The following KNL1 variants were observed in gnomAD, a reference collection of about 807,000 sequenced individuals.
KNL1 encodes kinetochore scaffold 1, also known as outer kinetochore KNL1 complex subunit KNL1.
A neutral mutation model predicts 201.3 loss-of-function variants in KNL1; 66 were observed. The observed-to-expected ratio is 0.33, with a 90% CI of 0.27 to 0.40. The LOEUF is 0.40. Ranked by LOEUF, KNL1 falls within the 10% of genes least tolerant of loss-of-function variation. The pLI, the probability that KNL1 is intolerant of heterozygous loss-of-function variation, is 1.00. For synonymous variants in KNL1, 895 were observed against 899.2 expected, an observed-to-expected ratio of 1.00 and a Z score of 0.08; for missense variants, 2,815 against 2,690.5, an observed-to-expected ratio of 1.05 and a Z score of -1.02.
Position 40,623,810 on chromosome 15 carries a change from A to G in KNL1, c.3546A>G (p.Ile1182Met). 1.2e-6 allele frequency: 2 copies of G among 1,613,700 alleles called. No homozygotes were observed. Among genetic ancestry groups the G allele is most frequent in the South Asian group, 2.2e-5 (2 of 91,060 alleles). The change falls in exon 10 of 26, where the codon ATA becomes ATG. Residue 1182 changes from isoleucine (I) to methionine (M), a missense_variant. Around this residue, in one of 3 missense-constraint regions of KNL1, gnomAD observed 2,464 missense variants for 2,291.7 expected, o/e 1.08. Transcript: ENST00000399668. Reference sequence around the variant, plus strand: ...TTGACTGTCAAGCCACAGAGAAAATACTTGAAGAAAACCCTAAATTTGGAA... The same window carrying G: ...TTGACTGTCAAGCCACAGAGAAAATGCTTGAAGAAAACCCTAAATTTGGAA... ...VFIDCQATEKILEENPKFGIG... is the reference protein window; with the variant it reads ...VFIDCQATEKMLEENPKFGIG...
chr15:40,626,497 GATT>G (rs1892757692), intron 10 of KNL1, among the ~76,000 whole-genome samples: 1 of 151,982 alleles, frequency 6.6e-6, no homozygotes, highest in African/African-American at 2.4e-5. Context: ...TAAATATATA[GATT>G]ATCTGCTATG....
intron 22 of KNL1, among the ~76,000 whole-genome samples, chr15:40,656,201 C>T (rs1256469567): frequency 2.6e-5 from 4 of 152,044 alleles, no homozygotes; most frequent in East Asian, 1.9e-4. Flanking sequence ...GAGACCAAGG[C>T]GGGCGGATCA....
intron 1 of KNL1, among the ~76,000 whole-genome samples, chr15:40,598,480 G>A (rs1466430610): frequency 1.3e-5 from 2 of 152,104 alleles, no homozygotes; most frequent in East Asian, 1.9e-4. Flanking sequence ...GAGGCTTGAG[G>A]ATTACTTGAG....
intron 16 of KNL1, 115 bp from the exon 17 acceptor site, chr15:40,646,872 A>G: frequency 2.0e-6 from 1 of 495,882 alleles, no homozygotes; most frequent in Admixed American, 3.6e-5. Flanking sequence ...AAAAAAAAAA[A>G]AAAAAAGATT....
In KNL1 at chr15:40,657,065, C is replaced by G. The variant is rs987616710; in HGVS notation, c.6508C>G (p.Leu2170Val). The G allele has an allele frequency of 4.4e-6, 7 of 1,590,294 alleles. No homozygotes were observed. In the Admixed American group the frequency reaches 1.1e-4, roughly 24 times the overall value. ...LDEDQAPPSS[L>V]LVHKLIFQYV... ...AGAGGATCAAGCTCCTCCTTCCTCC[C>G]TTTTAGTTCATAAGCTTATTTTCCA... Residue 2170 changes from leucine to valine, a missense_variant, in exon 23 of 26, where the codon CTT (leucine) becomes GTT (valine). By Grantham distance (32) the Leu-to-Val change is conservative (BLOSUM62 1). Around this residue, in one of 3 missense-constraint regions of KNL1, gnomAD observed 334 missense variants for 362.6 expected, o/e 0.92. Transcript: ENST00000399668.
At position 40,625,658 on chromosome 15, in the gene KNL1, C is replaced by T. The variant is rs1399847419; in HGVS notation, c.5376+18C>T. 2 of 1,585,432 alleles carry T rather than the reference C, an allele frequency of 1.3e-6. No individual in the cohort carries two copies. The highest frequency in any genetic ancestry group is 4.5e-5 in the East Asian group (2 of 44,728). ...ATCGGGAGGTGAGCTCTGTCTTGAA[C>T]CAAAGAATGTTCTTGAATTTTGGGT... On this transcript the variant is annotated intron_variant, in intron 10 of 25. Coordinates refer to ENST00000399668, the MANE Select transcript of KNL1 (RefSeq NM_144508.5).
At position 40,621,224 on chromosome 15, in the gene KNL1, C is replaced by G. The variant is rs376673350; in HGVS notation, c.960C>G (p.Asp320Glu). 4.3e-6 allele frequency: 7 copies of G among 1,612,356 alleles called. No individual in the cohort carries two copies. The African/African-American group carries it at 8.0e-5, about 18-fold the overall frequency. Residue 320 changes from aspartate (D) to glutamate (E), a missense_variant, in exon 10 of 26, where the codon GAC (aspartate) becomes GAG (glutamate). Physicochemically the swap from Asp to Glu is conservative, Grantham distance 45. Transcript: ENST00000399668. ...CAATTTATGGCAATGACTTTATGGA[C>G]TTGACATTTAACCACACTTTGCAGA... The part of the protein sequence containing the change: ...DITIYGNDFM[D>E]LTFNHTLQIL...
At chr15:40,608,185 G>C (rs753739104) in intron 4 of KNL1, among the ~76,000 whole-genome samples, 2 of 152,056 alleles carry the variant, frequency 1.3e-5, no homozygotes, top group Non-Finnish European at 2.9e-5. Flanking sequence ...AATAAGACTT[G>C]ATCTCTGGCC....
chr15:40,610,252 C>A lies in KNL1; in HGVS notation c.205C>A (p.Gln69Lys). 1 of 1,484,362 alleles carries A rather than the reference C, an allele frequency of 6.7e-7. No homozygotes were observed. Among genetic ancestry groups the A allele is most frequent in the Non-Finnish European group, 9.4e-7 (1 of 1,063,756 alleles). The allele number at this position is 1,484,362 out of a possible 1,614,324, so 91.9% of individuals were successfully genotyped here. A position where few individuals can be genotyped will look rare whatever the true frequency, so the allele number is the denominator to read the frequency against. The stretch of plus-strand genomic sequence containing the variant: ...CTTTATTTTCTCTTCTAGGGTATTC[C>A]AGACGGAGTCTCATATGAAAATAGT... ...VSFADTIKVF[Q>K]TESHMKIVRK... Residue 69 changes from glutamine to lysine, a missense_variant, in exon 6 of 26, where the codon CAG becomes AAG. Gln to Lys is a moderately conservative substitution (Grantham distance 53). This residue lies in a region of KNL1 where 2,464 missense variants were observed against 2,291.7 expected (regional missense o/e 1.08). Transcript: ENST00000399668.
rs886051138 is a variant in KNL1 at position 40,623,227 on chromosome 15, T to A, written c.2963T>A (p.Val988Glu). 1 of 1,613,816 alleles carries A rather than the reference T, an allele frequency of 6.2e-7. No homozygotes were observed. The highest frequency in any genetic ancestry group is 1.6e-4 in the Middle Eastern group (1 of 6,062). Residue 988 changes from valine to glutamate, a missense_variant, in exon 10 of 26, where the codon GTG (valine) becomes GAG (glutamate). Transcript: ENST00000399668. ...SQRKSLGTPT[V>E]ICTPTEESVF... ...AGGAAAAGCCTAGGAACACCAACAG[T>A]GATATGTACTCCTACTGAGGAGAGT...
intron 7 of KNL1, among the ~76,000 whole-genome samples, chr15:40,612,674 G>A (rs1349560784): frequency 1.3e-5 from 2 of 151,724 alleles, no homozygotes; most frequent in Admixed American, 6.6e-5. Context: ...CTGCCACCAC[G>A]CCTGGCTAAT....
intron 23 of KNL1, 21 bp from the exon 24 acceptor site, chr15:40,657,334 T>G (rs753088663): frequency 6.9e-7 from 1 of 1,457,698 alleles, no homozygotes; most frequent in East Asian, 2.3e-5. Flanking sequence ...TTCACTGGAT[T>G]TTTTTTCCCA....
chr15:40,604,095 A>G (rs746895852), intron 2 of KNL1, among the ~76,000 whole-genome samples: 3 of 150,670 alleles, frequency 2.0e-5, no homozygotes, highest in African/African-American at 4.9e-5. Context: ...TCTGCCTCCT[A>G]CCTCAAGACC....
In KNL1 at chr15:40,657,410, TTGAG is replaced by T; in HGVS notation, c.6652_6655del (p.Glu2218IlefsTer2). On this transcript the variant is annotated frameshift_variant, in exon 24 of 26. Coordinates refer to ENST00000399668, the MANE Select transcript of KNL1 (RefSeq NM_144508.5). LOFTEE classifies it high-confidence loss of function. The stretch of plus-strand genomic sequence containing the variant: ...CATTGCAGACTCCTTGGAGAGGAGA[TTGAG>T]TATTTAAAGAGATGGGGACCAAATT... The T allele has an allele frequency of 3.1e-6, 5 of 1,607,948 alleles. No individual in the cohort carries two copies. The highest frequency in any genetic ancestry group is 4.3e-6 in the Non-Finnish European group (5 of 1,174,334).
intron 22 of KNL1, among the ~76,000 whole-genome samples, chr15:40,656,254 A>G (rs1411786012): frequency 1.3e-5 from 2 of 151,906 alleles, no homozygotes; most frequent in Non-Finnish European, 2.9e-5. Context: ...AACATAGTGA[A>G]ACCCTGTCTC....
At position 40,657,437 on chromosome 15, in the gene KNL1, A is replaced by C. The variant is rs766331219; in HGVS notation, c.6677A>C (p.Asn2226Thr). ...EIEYLKRWGP[N>T]YNLMNIDINN... ...GAGTATTTAAAGAGATGGGGACCAA[A>C]TTATAACCTAATGAACATAGATATT... The change falls in exon 24 of 26, where the codon AAT becomes ACT. Residue 2226 changes from asparagine (N) to threonine (T), a missense_variant. Asn to Thr is a moderately conservative substitution (Grantham distance 65, BLOSUM62 0). Coordinates refer to ENST00000399668, the MANE Select transcript of KNL1 (RefSeq NM_144508.5). The C allele has an allele frequency of 1.9e-6, 3 of 1,570,728 alleles. No individual in the cohort carries two copies. In the Admixed American group the frequency reaches 5.0e-5, roughly 26 times the overall value.
At chr15:40,629,495 C>CTTTTTTTTTTTTTTTTTTTTTTTTTTTT (rs386382806) in intron 13 of KNL1, 124 bp downstream of exon 13, 2 of 162,464 alleles carry the variant, frequency 1.2e-5, no homozygotes, top group Non-Finnish European at 2.1e-5. Flanking sequence ...TTTGCCTTTT[C>CTTTTTTTTTTTTTTTTTTTTTTTTTTTT]TTTTTTTTTT....
In KNL1 at chr15:40,623,986, C is replaced by T. The variant is rs1033180886; in HGVS notation, c.3722C>T (p.Thr1241Ile). The T allele has an allele frequency of 6.2e-7, 1 of 1,613,840 alleles. No individual in the cohort carries two copies. The highest frequency in any genetic ancestry group is 8.5e-7 in the Non-Finnish European group (1 of 1,179,894). ...CTCTTTGCTGCTACTAATAGAACTACTAATGAAATCATCAAATTTCATAGT... is the reference window on the plus strand; with the variant it reads ...CTCTTTGCTGCTACTAATAGAACTATTAATGAAATCATCAAATTTCATAGT... ...QQLFAATNRTTNEIIKFHSAA... is the reference protein window; with the variant it reads ...QQLFAATNRTINEIIKFHSAA... Residue 1241 changes from threonine to isoleucine, a missense_variant, in exon 10 of 26, where the codon ACT (threonine) becomes ATT (isoleucine). Thr to Ile is a moderately conservative substitution (Grantham distance 89, BLOSUM62 -1). Transcript: ENST00000399668.
intron 17 of KNL1, 105 bp from the exon 18 acceptor site, chr15:40,650,196 C>T (rs994765959): frequency 3.2e-5 from 23 of 709,410 alleles, no homozygotes; most frequent in Non-Finnish European, 4.9e-5. Context: ...AACAATCTGT[C>T]GTTTAATAAA....
Sources: allele counts gnomAD v4.1 joint callset (sites outside exome capture counted in the v4.1 genomes callset), GRCh38; gene constraint gnomAD v4.1.1; regional missense constraint gnomAD v4.1.1; transcripts MANE v1.5; gene names NCBI Gene and HGNC (gene_info 2026-07-23, HGNC 2026-07-21).